Variants in SPHKAP observed in about 807,000 individuals in gnomAD.
The protein encoded by SPHKAP is A-kinase anchor protein SPHKAP.
Under a neutral mutation model 137.5 loss-of-function variants are expected in SPHKAP, and 67 were observed. The ratio of observed to expected loss-of-function variants is 0.49; its 90% CI spans 0.40 to 0.60. SPHKAP has a LOEUF of 0.60. Among genes scored for constraint, SPHKAP ranks in the 20% least tolerant of loss-of-function variants. The pLI is 0.00. For synonymous variants in SPHKAP, 813 were observed against 785.3 expected (o/e 1.04, Z -0.59); for missense variants, 2,097 against 2,069.3 (o/e 1.01, Z -0.26).
intron 3 of SPHKAP, among the ~76,000 whole-genome samples, chr2:228,104,928 T>C (rs1698294003): frequency 6.6e-6 from 1 of 152,176 alleles, no homozygotes. Context: ...AAAAAAACAG[T>C]GGAAGATTTT....
intron 3 of SPHKAP, among the ~76,000 whole-genome samples, chr2:228,056,696 T>A (rs140037591): frequency 0.017 from 2,631 of 152,216 alleles, 59 homozygotes; most frequent in Non-Finnish European, 0.024. Context: ...TAAAAGCTTG[T>A]TTATAGAGTA....
chr2:227,993,796 A>C (rs1246219456), intron 8 of SPHKAP, among the ~76,000 whole-genome samples, 176 bp from the exon 9 acceptor site: 1 of 152,198 alleles, frequency 6.6e-6, no homozygotes, highest in Non-Finnish European at 1.5e-5. Context: ...AATCATAATG[A>C]GACATAGGCC....
intron 3 of SPHKAP, among the ~76,000 whole-genome samples, chr2:228,087,254 A>C (rs536216957): frequency 3.5e-4 from 54 of 152,338 alleles, no homozygotes; most frequent in Non-Finnish European, 6.2e-4. Context: ...TAACCTAGCC[A>C]AATTACAAAG....
chr2:228,047,114 T>A (rs1696089293), intron 3 of SPHKAP, among the ~76,000 whole-genome samples: 2 of 152,240 alleles, frequency 1.3e-5, no homozygotes, highest in Admixed American at 1.3e-4. Flanking sequence ...ATGTGTTTCT[T>A]GTATTTTTAT....
chr2:228,104,257 ATATCAT>A (rs889639422), intron 3 of SPHKAP, among the ~76,000 whole-genome samples: 114 of 130,320 alleles, frequency 8.7e-4, no homozygotes, highest in African/African-American at 3.1e-3. Flanking sequence ...TATATTATAT[ATATCAT>A]TATATTATAT....
intron 3 of SPHKAP, among the ~76,000 whole-genome samples, chr2:228,046,727 A>G (rs1050443018): frequency 6.6e-6 from 1 of 152,196 alleles, no homozygotes; most frequent in Non-Finnish European, 1.5e-5. Flanking sequence ...ATTCTTTGTA[A>G]TATCATTCTA....
rs1221015574 is a variant in SPHKAP at position 228,083,872 on chromosome 2, A to T, written c.246+24960T>A. Among the ~76,000 whole-genome samples the T allele has an allele frequency of 7.2e-5, 11 of 152,282 alleles. No homozygotes were observed. In the East Asian group the frequency reaches 2.1e-3, roughly 29 times the overall value. On this transcript the variant is annotated intron_variant, in intron 3 of 11. Coordinates refer to ENST00000392056, the MANE Select transcript of SPHKAP (RefSeq NM_001142644.2). The stretch of plus-strand genomic sequence containing the variant: ...CCACATGTTCTCACTCATAAGTGGG[A>T]GTGGAACAATGAGAACATATGGACA...
chr2:228,054,206 G>T (rs941943749), intron 3 of SPHKAP, among the ~76,000 whole-genome samples: 1 of 152,128 alleles, frequency 6.6e-6, no homozygotes, highest in Non-Finnish European at 1.5e-5. Flanking sequence ...ATTATCACAT[G>T]GTGAGAGAAA....
In SPHKAP at chr2:228,017,279, T is replaced by G. The variant is rs756716799; in HGVS notation, c.3575A>C (p.Glu1192Ala). The part of the protein sequence containing the change: ...SKQSSTESIT[E>A]EFYRYMLRDI... Reference sequence around the variant, plus strand: ...CCTCAGCATGTACCTGTAGAACTCCTCAGTGATGCTCTCTGTGCTGGACTG... The same window carrying G: ...CCTCAGCATGTACCTGTAGAACTCCGCAGTGATGCTCTCTGTGCTGGACTG... Residue 1192 changes from glutamate (E) to alanine (A), a missense_variant, in exon 7 of 12, where the codon GAG (glutamate) becomes GCG (alanine). Glu to Ala is a moderately radical substitution (Grantham distance 107, BLOSUM62 -1). Coordinates refer to ENST00000392056, the MANE Select transcript of SPHKAP (RefSeq NM_001142644.2). 1.5e-5 allele frequency: 24 copies of G among 1,613,932 alleles called. No homozygotes were observed. The African/African-American group carries it at 2.4e-4, about 16-fold the overall frequency.
intron 11 of SPHKAP, among the ~76,000 whole-genome samples, chr2:227,986,083 C>G (rs576667410): frequency 2.6e-5 from 4 of 152,130 alleles, no homozygotes; most frequent in African/African-American, 9.7e-5. Context: ...AACCTCCCCA[C>G]GTGACTCTAA....
intron 3 of SPHKAP, among the ~76,000 whole-genome samples, chr2:228,064,900 A>G (rs1443871701): frequency 6.6e-6 from 1 of 152,190 alleles, no homozygotes; most frequent in Admixed American, 6.5e-5. Context: ...TCACATCTTG[A>G]CTGCTTATTA....
chr2:228,021,339 G>A (rs1271141358), intron 6 of SPHKAP, among the ~76,000 whole-genome samples: 1 of 152,220 alleles, frequency 6.6e-6, no homozygotes, highest in African/African-American at 2.4e-5. Context: ...TTCAAATCCA[G>A]GCTGGTCCAA....
At chr2:228,169,667 A>G (rs911192235) in intron 1 of SPHKAP, 2 of 152,138 alleles carry the variant, frequency 1.3e-5, no homozygotes, top group Admixed American at 6.6e-5. Flanking sequence ...GCCTGCTTAC[A>G]TAACATCCAT....
chr2:228,008,889 T>A (rs1694249233), intron 7 of SPHKAP, among the ~76,000 whole-genome samples: 1 of 152,158 alleles, frequency 6.6e-6, no homozygotes, highest in South Asian at 2.1e-4. Context: ...GTAGAGTAAA[T>A]CATCATGTCA....
At chr2:228,013,810 A>G (rs536810766) in intron 7 of SPHKAP, among the ~76,000 whole-genome samples, 5 of 152,308 alleles carry the variant, frequency 3.3e-5, no homozygotes, top group African/African-American at 1.2e-4. Flanking sequence ...TTCTTTAATA[A>G]TTCTTTATAT....
chr2:228,159,149 C>G (rs1468654576), intron 1 of SPHKAP, among the ~76,000 whole-genome samples: 1 of 152,186 alleles, frequency 6.6e-6, no homozygotes, highest in East Asian at 1.9e-4. Flanking sequence ...TTTACCAACT[C>G]AGACACTGTC....
chr2:228,043,217 C>A (rs1310487181), intron 3 of SPHKAP, among the ~76,000 whole-genome samples: 4 of 152,160 alleles, frequency 2.6e-5, no homozygotes, highest in Admixed American at 6.5e-5. Context: ...ATGTACAGAT[C>A]AAACCCGTGA....
intron 7 of SPHKAP, among the ~76,000 whole-genome samples, chr2:228,009,040 A>G (rs1694256236): frequency 6.6e-6 from 1 of 152,216 alleles, no homozygotes; most frequent in Non-Finnish European, 1.5e-5. Flanking sequence ...TGGGATTGTA[A>G]TGAATCTATA....
chr2:228,145,517 T>C (rs1357673177), intron 1 of SPHKAP, among the ~76,000 whole-genome samples: 1 of 152,158 alleles, frequency 6.6e-6, no homozygotes, highest in Admixed American at 6.5e-5. Flanking sequence ...TTGGCTCCCA[T>C]TTTGGCAGGC....
Sources: gnomAD v4.1 joint callset for allele counts (sites outside exome capture counted in the v4.1 genomes callset) on GRCh38, gnomAD v4.1.1 for gene constraint, MANE v1.5 for transcripts, NCBI Gene and HGNC (gene_info 2026-07-23, HGNC 2026-07-21) for gene names.